Variants in RBSN observed in about 807,000 individuals in gnomAD.
The protein encoded by RBSN is rabenosyn, RAB effector.
RBSN carries 34 observed loss-of-function variants against 60.5 expected under a neutral mutation model. The observed-to-expected ratio is 0.56, with a 90% confidence interval of 0.43 to 0.75. The LOEUF (loss-of-function observed/expected upper bound fraction) is 0.75, where lower values mean the gene tolerates loss of function less well. RBSN is among the 30% of genes least tolerant of loss of function. The pLI is 0.00. For missense variants in RBSN, 845 were observed against 986.8 expected, an observed-to-expected ratio of 0.86 and a Z score of 1.92; for synonymous variants, 322 against 366.9, an observed-to-expected ratio of 0.88 and a Z score of 1.40.
chr3:15,075,439 C>G (rs2043029537), intron 13 of RBSN, 167 bp downstream of exon 13: 3 of 715,296 alleles, frequency 4.2e-6, no homozygotes, highest in Non-Finnish European at 7.6e-6. Flanking sequence ...AACAATTATT[C>G]TAGTTCCCAT....
chr3:15,082,290 G>C lies in RBSN; in HGVS notation c.840+77C>G. On this transcript the variant is annotated intron_variant, in intron 9 of 13. Transcript: ENST00000253699. The surrounding 1 kb of genome is among the most constrained non-coding windows in gnomAD (Gnocchi z 4.2). ...GAACAACTTCCCAAAGCATTCTCCAGAATCTGCAGGAGTGTACATAACAAA... is the reference window on the plus strand; with the variant it reads ...GAACAACTTCCCAAAGCATTCTCCACAATCTGCAGGAGTGTACATAACAAA... 2 of 1,540,426 alleles carry C rather than the reference G, an allele frequency of 1.3e-6. No homozygotes were observed. The highest frequency in any genetic ancestry group is 1.2e-5 in the South Asian group (1 of 83,036).
Position 15,074,987 on chromosome 3 carries a change from A to G in RBSN, c.1207-57T>C. On this transcript the variant is annotated intron_variant, in intron 13 of 13. Transcript: ENST00000253699. This position sits in a 1 kb window ranked among gnomAD's most constrained non-coding sequence, Gnocchi z 6.4. ...AGTCACTATGCTGGCAGCAGCCCAC[A>G]CTGTCACCCACCCTCTGTTGTCCCT... is the stretch of plus-strand genomic sequence containing the variant. The G allele has an allele frequency of 6.5e-7, 1 of 1,533,644 alleles. No individual in the cohort carries two copies. The highest frequency in any genetic ancestry group is 1.3e-5 in the South Asian group (1 of 79,728).
intron 5 of RBSN, among the ~76,000 whole-genome samples, chr3:15,089,598 T>C (rs1205543208): frequency 6.6e-6 from 1 of 151,580 alleles, no homozygotes; most frequent in Non-Finnish European, 1.5e-5. Context: ...TCAGTGGTTT[T>C]TAGGATTTTC....
At position 15,096,189 on chromosome 3, in the gene RBSN, G is replaced by A; in HGVS notation, c.-69C>T. ...AAGAGTCAGCTTGATTCCTCCCAAG[G>A]AACCATGGTTCCCGCAGCATTAGCT... is the stretch of plus-strand genomic sequence containing the variant. On this transcript the variant is annotated 5_prime_UTR_variant, in exon 4 of 14. Coordinates refer to ENST00000253699, the MANE Select transcript of RBSN (RefSeq NM_022340.4). 1 of 1,489,698 alleles carries A rather than the reference G, an allele frequency of 6.7e-7. No homozygotes were observed. The highest frequency in any genetic ancestry group is 8.9e-7 in the Non-Finnish European group (1 of 1,120,252). 92.3% of individuals were successfully genotyped at this position (1,489,698 alleles called of 1,614,324 possible).
In RBSN at chr3:15,084,752, A is replaced by G; in HGVS notation, c.581T>C (p.Ile194Thr). 6.2e-7 allele frequency: 1 copy of G among 1,605,066 alleles called. No homozygotes were observed. The change falls in exon 8 of 14, where the codon ATC becomes ACC. Residue 194 changes from isoleucine (I) to threonine (T), a missense_variant. Ile to Thr is a moderately conservative substitution (Grantham distance 89). Transcript: ENST00000253699. This position sits in a 1 kb window ranked among gnomAD's most constrained non-coding sequence, Gnocchi z 4.2. ...SIMCKKCMEL[I>T]SLPLANKLTS... The stretch of plus-strand genomic sequence containing the variant: ...TCACCTACTTGCCAAGGGAAGGCTG[A>G]TGAGCTCCATACACTTCTTGCACAT...
rs377765543 is a variant in RBSN at position 15,082,340 on chromosome 3, G to T, written c.840+27C>A. ...ACAGCCAAATCTGCCTAAGAAATTA[G>T]ACCCAAGACCAGACAGCGCGAATCA... On this transcript the variant is annotated intron_variant, in intron 9 of 13. Transcript: ENST00000253699. The surrounding 1 kb of genome is among the most constrained non-coding windows in gnomAD (Gnocchi z 4.2). 50 of 1,596,962 alleles carry T rather than the reference G, an allele frequency of 3.1e-5. 1 individual carries two copies. The African/African-American group carries it at 6.6e-4, about 21-fold the overall frequency.
At chr3:15,085,771 T>C (rs2043322079) in intron 6 of RBSN, 90 bp downstream of exon 6, 1 of 1,017,414 alleles carries the variant, frequency 9.8e-7, no homozygotes, top group Non-Finnish European at 1.5e-6. Flanking sequence ...ATGTATATGA[T>C]ATATACAACA....
At position 15,090,540 on chromosome 3, in the gene RBSN, C is replaced by T. The variant is rs2043485443; in HGVS notation, c.149-1G>A. 1.2e-6 allele frequency: 2 copies of T among 1,612,664 alleles called. No individual in the cohort carries two copies. The highest frequency in any genetic ancestry group is 1.7e-6 in the Non-Finnish European group (2 of 1,179,642). ...GCTTTTTTAGCCTTCTGGACAAGAC[C>T]TTGAAAAATGGAACAAATAATACAA... On this transcript the variant is annotated splice_acceptor_variant, in intron 4 of 13. Transcript: ENST00000253699. LOFTEE classifies it high-confidence loss of function.
chr3:15,090,368 A>G (rs1411988874), intron 5 of RBSN, 31 bp downstream of exon 5: 1 of 1,610,478 alleles, frequency 6.2e-7, no homozygotes, highest in Non-Finnish European at 8.5e-7. Context: ...CTCAATAACC[A>G]CTTGCTGAAT....
At chr3:15,086,091 CAA>C (rs60131546) in intron 5 of RBSN, 130 bp from the exon 6 acceptor site, 2,060 of 93,390 alleles carry the variant, frequency 0.022, no homozygotes, top group East Asian at 0.039. Flanking sequence ...CGTCTCTCTC[CAA>C]AAAAAAAAAA....
chr3:15,091,562 T>C, intron 4 of RBSN: 4 of 1,207,152 alleles, frequency 3.3e-6, no homozygotes, highest in Non-Finnish European at 3.2e-6. Context: ...TATTTAGCCA[T>C]CGTATGTACC....
At position 15,077,956 on chromosome 3, in the gene RBSN, C is replaced by T. The variant is rs907729894; in HGVS notation, c.998+119G>A. ...GAGCTGGCCCCTTCCTTGCCCTCCTCCTCACCCACTGCCCCATCACCAGAA... is the reference window on the plus strand; with the variant it reads ...GAGCTGGCCCCTTCCTTGCCCTCCTTCTCACCCACTGCCCCATCACCAGAA... On this transcript the variant is annotated intron_variant, in intron 11 of 13. Transcript: ENST00000253699. The surrounding 1 kb of genome is among the most constrained non-coding windows in gnomAD (Gnocchi z 4.4). 1.2e-5 allele frequency: 10 copies of T among 858,764 alleles called. No individual in the cohort carries two copies. The South Asian group carries it at 1.5e-4, about 13-fold the overall frequency. 53.2% of individuals were successfully genotyped at this position (858,764 alleles called of 1,614,324 possible).
chr3:15,089,456 C>CAAA (rs757156425), intron 5 of RBSN, among the ~76,000 whole-genome samples: 963 of 30,920 alleles, frequency 0.031, 7 homozygotes, highest in Non-Finnish European at 0.045. Context: ...ACTCCATCTC[C>CAAA]AAAAAAAAAA....
intron 9 of RBSN, 191 bp from the exon 10 acceptor site, chr3:15,080,993 A>C (rs2043192272): frequency 1.2e-5 from 7 of 572,920 alleles, no homozygotes; most frequent in Non-Finnish European, 1.9e-5. Context: ...GAAAGTGAGA[A>C]TGGAGCTTCT....
intron 4 of RBSN, among the ~76,000 whole-genome samples, 167 bp from the exon 5 acceptor site, chr3:15,090,706 A>G (rs556038097): frequency 2.6e-5 from 4 of 152,342 alleles, no homozygotes; most frequent in South Asian, 4.1e-4. Flanking sequence ...CACAAACACT[A>G]TATTACAAAT....
intron 2 of RBSN, among the ~76,000 whole-genome samples, chr3:15,097,271 T>C (rs1216657881): frequency 6.6e-6 from 1 of 152,148 alleles, no homozygotes; most frequent in African/African-American, 2.4e-5. Flanking sequence ...TCCCAGCACT[T>C]TGGGAGGCCA....
rs1553595686 is a variant in RBSN at position 15,089,473 on chromosome 3, A to AC, written c.289+925_289+926insG. 1.3e-3 allele frequency among the ~76,000 whole-genome samples: 127 copies of AC among 96,388 alleles called. 1 individual carries two copies. The highest frequency in any genetic ancestry group is 1.9e-3 in the Non-Finnish European group (100 of 51,322). 63.2% of individuals were successfully genotyped at this position (96,388 alleles called of 152,430 possible). On this transcript the variant is annotated intron_variant, in intron 5 of 13. Coordinates refer to ENST00000253699, the MANE Select transcript of RBSN (RefSeq NM_022340.4). ...TCCATCTCCAAAAAAAAAAAAAAAA[A>AC]AAAACAAAAAAAAAAAACAGATATG...
intron 5 of RBSN, 191 bp from the exon 6 acceptor site, chr3:15,086,152 C>T: frequency 1.9e-6 from 1 of 522,188 alleles, no homozygotes; most frequent in African/African-American, 1.9e-5. Flanking sequence ...AATCCCAGCT[C>T]CTTGGGAGGC....
rs768208326 is a variant in RBSN, at chr3:15,074,619, C to T, written c.1518G>A (p.Glu506=). 6.2e-7 allele frequency: 1 copy of T among 1,614,254 alleles called. No homozygotes were observed. Among genetic ancestry groups the T allele is most frequent in the South Asian group, 1.1e-5 (1 of 91,082 alleles). The stretch of plus-strand genomic sequence containing the variant: ...CCTCCTCAGCCTGCCTCCGGGACAG[C>T]TCGATGGCCTTCTCTGTCTGCTGCT... ...YDQQQTEKAI[E]LSRRQAEEED... Residue 506 remains glutamate, a synonymous_variant, in exon 14 of 14, where the codon GAG becomes GAA. Transcript: ENST00000253699. The surrounding 1 kb of genome is among the most constrained non-coding windows in gnomAD (Gnocchi z 6.4).
Sources: allele counts gnomAD v4.1 joint callset (sites outside exome capture counted in the v4.1 genomes callset), GRCh38; gene constraint gnomAD v4.1.1; non-coding constraint Gnocchi (gnomAD v3.1); transcripts MANE v1.5; gene names NCBI Gene and HGNC (gene_info 2026-07-23, HGNC 2026-07-21).